The following CASP10 variants were observed in gnomAD, a reference collection of about 807,000 sequenced individuals.
The protein encoded by CASP10 is caspase-10.
CASP10 carries 41 observed loss-of-function variants against 48.5 expected under a neutral mutation model. That is an observed-to-expected ratio of 0.85 (90% CI 0.66 to 1.10). The LOEUF is 1.10. Ranked by LOEUF, CASP10 falls within the 50% of genes least tolerant of loss-of-function variation. CASP10 has a pLI of 0.00. For synonymous variants in CASP10, 232 were observed against 238.4 expected (o/e 0.97, Z 0.25); for missense variants, 614 against 614.5 (o/e 1.00, Z 0.01).
intron 5 of CASP10, among the ~76,000 whole-genome samples, chr2:201,197,100 T>G (rs1012733246): frequency 4.0e-5 from 6 of 151,198 alleles, no homozygotes; most frequent in Admixed American, 2.7e-4. Context: ...TTTTGGAAAC[T>G]GAATTTAAGT....
At chr2:201,207,956 CT>C (rs1385695742) in intron 7 of CASP10, 118 bp from the exon 8 acceptor site, 22 of 738,754 alleles carry the variant, frequency 3.0e-5, no homozygotes, top group African/African-American at 2.3e-4. Context: ...GTTTAAACAA[CT>C]GGCATGGGGA....
In CASP10 at chr2:201,203,747, T is replaced by C; in HGVS notation, c.702T>C (p.Asn234=). ...LEALPQESWQ[N]KHAGSNGNRA... is the part of the protein sequence containing the mutation. Reference sequence around the variant, plus strand: ...TTTCTCAGCAGGAGTCCTGGCAAAATAAGCATGCAGGTAGTAATGGTAGGT... The same window carrying C: ...TTTCTCAGCAGGAGTCCTGGCAAAACAAGCATGCAGGTAGTAATGGTAGGT... Residue 234 remains asparagine, a synonymous_variant, in exon 6 of 10, where the codon AAT becomes AAC. Transcript: ENST00000286186. 6.2e-7 allele frequency: 1 copy of C among 1,613,740 alleles called. No individual in the cohort carries two copies. Among genetic ancestry groups the C allele is most frequent in the African/African-American group, 1.3e-5 (1 of 75,038 alleles).
intron 3 of CASP10, 137 bp downstream of exon 3, chr2:201,187,936 G>A: frequency 2.8e-6 from 2 of 721,572 alleles, no homozygotes; most frequent in Non-Finnish European, 5.0e-6. Flanking sequence ...ATTGGCTTTG[G>A]TGCTGGATGA....
rs41500846 is a variant in CASP10, at chr2:201,185,421, G to A, written c.-7-350G>A. Among the ~76,000 whole-genome samples, 397 of 152,256 alleles carry A rather than the reference G, an allele frequency of 2.6e-3. 1 individual carries two copies. Among genetic ancestry groups the A allele is most frequent in the African/African-American group, 9.2e-3 (382 of 41,550 alleles). On this transcript the variant is annotated intron_variant, in intron 1 of 9. Transcript: ENST00000286186. The stretch of plus-strand genomic sequence containing the variant: ...GCTATTTCTGCCACGTGCTGGAAAT[G>A]AATGTAAGGGCTCCAATCAGGCTAC...
intron 5 of CASP10, among the ~76,000 whole-genome samples, chr2:201,197,807 G>A (rs1944857916): frequency 6.6e-6 from 1 of 152,140 alleles, no homozygotes; most frequent in Non-Finnish European, 1.5e-5. Context: ...TAATAACGCT[G>A]CTGTGAATGT....
chr2:201,211,204 T>G lies in CASP10; in HGVS notation c.1415+1642T>G, dbSNP rs952262394. On this transcript the variant is annotated intron_variant, in intron 9 of 9. Coordinates refer to ENST00000286186, the MANE Select transcript of CASP10 (RefSeq NM_032977.4). Reference sequence around the variant, plus strand: ...GTTGCCGAGGCTGGCCTTGAACTCCTAGGCTCAAGCAATCTTCCTGCCTTA... The same window carrying G: ...GTTGCCGAGGCTGGCCTTGAACTCCGAGGCTCAAGCAATCTTCCTGCCTTA... Among the ~76,000 whole-genome samples the G allele has an allele frequency of 3.9e-5, 6 of 152,206 alleles. 1 individual carries two copies. The highest frequency in any genetic ancestry group is 1.4e-4 in the African/African-American group (6 of 41,460).
At chr2:201,194,255 C>G (rs1421236963) in intron 4 of CASP10, among the ~76,000 whole-genome samples, 1 of 152,046 alleles carries the variant, frequency 6.6e-6, no homozygotes, top group Non-Finnish European at 1.5e-5. Flanking sequence ...GTTCATTTCT[C>G]CACTGTTAAG....
At chr2:201,202,416 C>T (rs1945051330) in intron 5 of CASP10, among the ~76,000 whole-genome samples, 1 of 152,100 alleles carries the variant, frequency 6.6e-6, no homozygotes, top group Non-Finnish European at 1.5e-5. Context: ...GACCTTAAAG[C>T]TTTTTTCTAG....
chr2:201,214,476 G>A (rs1945505561), intron 9 of CASP10: 1 of 152,064 alleles, frequency 6.6e-6, no homozygotes, highest in South Asian at 2.1e-4. Context: ...AAGGGGTGAT[G>A]TTAGCGGATC....
At chr2:201,199,824 C>T (rs1175459864) in intron 5 of CASP10, among the ~76,000 whole-genome samples, 1 of 151,890 alleles carries the variant, frequency 6.6e-6, no homozygotes, top group Non-Finnish European at 1.5e-5. Flanking sequence ...TCTGCCTGCC[C>T]CAGCCTCCCA....
chr2:201,203,898 C>T (rs762363640), intron 6 of CASP10, 132 bp downstream of exon 6: 11 of 783,024 alleles, frequency 1.4e-5, no homozygotes, highest in Non-Finnish European at 2.4e-5. Context: ...ATTTTTTATT[C>T]CAATTCAAGG....
intron 9 of CASP10, among the ~76,000 whole-genome samples, chr2:201,228,024 A>G (rs1193779706): frequency 6.6e-6 from 1 of 152,004 alleles, no homozygotes; most frequent in African/African-American, 2.4e-5. Flanking sequence ...CTATTTCACC[A>G]TTTGAAGAAC....
exon 10 of CASP10, chr2:201,228,986 T>C: frequency 6.2e-7 from 1 of 1,614,122 alleles, no homozygotes; most frequent in Non-Finnish European, 8.5e-7. Context: ...AAGAGAACAG[T>C]GTGGGGTGCT....
intron 6 of CASP10, among the ~76,000 whole-genome samples, chr2:201,204,270 A>G (rs1576114561): frequency 6.6e-6 from 1 of 152,224 alleles, no homozygotes; most frequent in Non-Finnish European, 1.5e-5. Context: ...AGAATCTGCC[A>G]TCAGGTTAAA....
chr2:201,228,320 G>A (rs1260197712), intron 9 of CASP10, among the ~76,000 whole-genome samples: 1 of 152,094 alleles, frequency 6.6e-6, no homozygotes, highest in Non-Finnish European at 1.5e-5. Flanking sequence ...CAACCTAGGT[G>A]ACACAGCGAG....
At chr2:201,199,731 C>T (rs1944945405) in intron 5 of CASP10, among the ~76,000 whole-genome samples, 1 of 151,874 alleles carries the variant, frequency 6.6e-6, no homozygotes, top group African/African-American at 2.4e-5. Context: ...TGCACCACCA[C>T]ATTCGGCTAA....
chr2:201,227,866 C>T (rs560825272), intron 9 of CASP10, among the ~76,000 whole-genome samples: 6 of 151,984 alleles, frequency 3.9e-5, no homozygotes, highest in Admixed American at 2.6e-4. Context: ...GCCCCCAAAC[C>T]GGTTTCTAAC....
At chr2:201,191,106 C>A (rs1051550560) in intron 3 of CASP10, among the ~76,000 whole-genome samples, 2 of 152,142 alleles carry the variant, frequency 1.3e-5, no homozygotes, top group African/African-American at 2.4e-5. Context: ...AGGTGATCCA[C>A]CTGCCTCAGC....
intron 5 of CASP10, 51 bp from the exon 6 acceptor site, chr2:201,203,679 C>T: frequency 1.3e-6 from 2 of 1,533,538 alleles, no homozygotes; most frequent in Non-Finnish European, 9.0e-7. Flanking sequence ...TGTTCCTCAT[C>T]CTAACTGTGT....
Sources: allele counts gnomAD v4.1 joint callset (sites outside exome capture counted in the v4.1 genomes callset), GRCh38; gene constraint gnomAD v4.1.1; transcripts MANE v1.5; gene names NCBI Gene and HGNC (gene_info 2026-07-23, HGNC 2026-07-21).